Variants in HMCN1 observed in about 807,000 individuals in gnomAD.
The protein encoded by HMCN1 is hemicentin-1.
In HMCN1, 321 loss-of-function variants were observed where a neutral mutation model predicts 625.9. That is an observed-to-expected ratio of 0.51 (90% confidence interval 0.47 to 0.56). The LOEUF (loss-of-function observed/expected upper bound fraction) is 0.56. Among genes scored for constraint, HMCN1 ranks in the 20% least tolerant of loss-of-function variants. HMCN1 has a pLI of 0.00. For synonymous variants in HMCN1, 2,425 were observed against 2,417.6 expected (o/e 1.00, Z -0.09); for missense variants, 6,588 against 6,887.3 (o/e 0.96, Z 1.54).
chr1:186,001,341 G>A lies in HMCN1; in HGVS notation c.4113G>A (p.Ser1371=), dbSNP rs146606430. 44 of 1,611,452 alleles carry A rather than the reference G, an allele frequency of 2.7e-5. No individual in the cohort carries two copies. The highest frequency in any genetic ancestry group is 3.3e-5 in the South Asian group (3 of 91,034). ...ATAAAGAACAAGTTACAAATGTGTC[G>A]GTGTTGTTAAATCAGCTGACCAATC... ...IKDKEQVTNV[S]VLLNQLTNLF... is the part of the protein sequence containing the mutation. Residue 1371 remains serine, a synonymous_variant, in exon 27 of 107, where the codon TCG becomes TCA. Transcript: ENST00000271588.
intron 4 of HMCN1, 31 bp downstream of exon 4, chr1:185,865,894 A>G (rs1244110618): frequency 6.2e-7 from 1 of 1,610,600 alleles, no homozygotes. Context: ...CTACTTTATT[A>G]CCAGCTGCCT....
chr1:185,844,361 A>T (rs1661676614), intron 1 of HMCN1, among the ~76,000 whole-genome samples: 2 of 152,150 alleles, frequency 1.3e-5, no homozygotes, highest in South Asian at 4.1e-4. Flanking sequence ...ATAGTGAAGG[A>T]TTGAGGCATT....
At chr1:186,015,797 C>A (rs1571719520) in intron 31 of HMCN1, among the ~76,000 whole-genome samples, 161 bp from the exon 32 acceptor site, 1 of 152,008 alleles carries the variant, frequency 6.6e-6, no homozygotes, top group Non-Finnish European at 1.5e-5. Context: ...TTAGCTGAAC[C>A]AAGAAATTCT....
rs528660252 is a variant in HMCN1 at position 185,976,495 on chromosome 1, T to C, written c.2372-1292T>C. Among the ~76,000 whole-genome samples the C allele has an allele frequency of 2.3e-4, 35 of 152,290 alleles. No homozygotes were observed. The South Asian group carries it at 5.0e-3, about 22-fold the overall frequency. ...TTCCCATGGGAAGAAAAGTGATCTC[T>C]GTAGGAATATTTATGAGCCTGCTAA... is the stretch of plus-strand genomic sequence containing the variant. On this transcript the variant is annotated intron_variant, in intron 15 of 106. Transcript: ENST00000271588.
chr1:185,758,130 C>T lies in HMCN1; in HGVS notation c.268+23083C>T, dbSNP rs555683511. On this transcript the variant is annotated intron_variant, in intron 1 of 106. Coordinates refer to ENST00000271588, the MANE Select transcript of HMCN1 (RefSeq NM_031935.3). The stretch of plus-strand genomic sequence containing the variant: ...GCAATCGTGTCATTTGGACTGTTGG[C>T]GGATATATACATTTTTCAGGATTGT... Among the ~76,000 whole-genome samples the T allele has an allele frequency of 1.9e-3, 288 of 152,218 alleles. 3 individuals are homozygous for T. Among genetic ancestry groups the T allele is most frequent in the Middle Eastern group, 3.4e-3 (1 of 294 alleles).
intron 1 of HMCN1, among the ~76,000 whole-genome samples, chr1:185,803,561 A>G (rs1658965409): frequency 6.6e-6 from 1 of 152,118 alleles, no homozygotes; most frequent in Admixed American, 6.5e-5. Context: ...GTCTCTAACA[A>G]AAGATATTCT....
intron 1 of HMCN1, among the ~76,000 whole-genome samples, chr1:185,793,263 G>C (rs1658125101): frequency 6.6e-6 from 1 of 152,154 alleles, no homozygotes; most frequent in Non-Finnish European, 1.5e-5. Flanking sequence ...TACCAAAAGG[G>C]ATGCTTACCA....
chr1:186,144,240 G>C lies in HMCN1; in HGVS notation c.13992G>C (p.Gln4664His), dbSNP rs551261120. Residue 4664 changes from glutamine (Q) to histidine (H), a missense_variant, in exon 90 of 107, where the codon CAG becomes CAC. Coordinates refer to ENST00000271588, the MANE Select transcript of HMCN1 (RefSeq NM_031935.3). ...GCGAAAGTTGTGGGAAAGGTACTCAGACAAGAGCAAGACTTTGTAATAACC... is the reference window on the plus strand; with the variant it reads ...GCGAAAGTTGTGGGAAAGGTACTCACACAAGAGCAAGACTTTGTAATAACC... ...TCSESCGKGT[Q>H]TRARLCNNPP... The C allele has an allele frequency of 3.1e-5, 50 of 1,613,718 alleles. No homozygotes were observed. In the East Asian group the frequency reaches 1.1e-3, roughly 35 times the overall value.
At chr1:186,035,137 A>G (rs549191314) in intron 36 of HMCN1, among the ~76,000 whole-genome samples, 2 of 152,264 alleles carry the variant, frequency 1.3e-5, no homozygotes, top group South Asian at 4.1e-4. Flanking sequence ...TTAGATAGCT[A>G]TATTTATAAG....
chr1:186,002,347 C>T (rs1286728882), intron 28 of HMCN1, among the ~76,000 whole-genome samples: 1 of 152,050 alleles, frequency 6.6e-6, no homozygotes, highest in African/African-American at 2.4e-5. Context: ...GATAAAATGA[C>T]ATTCTCCCTT....
chr1:185,764,941 C>A (rs539396266), intron 1 of HMCN1, among the ~76,000 whole-genome samples: 1 of 152,236 alleles, frequency 6.6e-6, no homozygotes, highest in East Asian at 1.9e-4. Flanking sequence ...CATTCATAGG[C>A]AATGCCTGAA....
chr1:186,017,900 GC>G (rs1358969944), intron 33 of HMCN1, among the ~76,000 whole-genome samples: 1 of 151,832 alleles, frequency 6.6e-6, no homozygotes, highest in Non-Finnish European at 1.5e-5. Flanking sequence ...ATCACCTCAA[GC>G]ATTTATCCTT....
chr1:186,101,802 A>C (rs1439641871), intron 68 of HMCN1, among the ~76,000 whole-genome samples: 16 of 152,134 alleles, frequency 1.1e-4, no homozygotes, highest in Non-Finnish European at 1.6e-4. Context: ...CCGAGAAGTA[A>C]GAGGAGTAAA....
At chr1:185,876,631 T>C (rs1422020490) in intron 4 of HMCN1, among the ~76,000 whole-genome samples, 1 of 152,044 alleles carries the variant, frequency 6.6e-6, no homozygotes, top group Non-Finnish European at 1.5e-5. Context: ...GGATCTCATT[T>C]TGGTTTTCGT....
chr1:186,119,097 C>A, intron 77 of HMCN1, 94 bp from the exon 78 acceptor site: 1 of 867,296 alleles, frequency 1.2e-6, no homozygotes. Context: ...CACCACCATG[C>A]TATTTGCAGA....
chr1:185,928,434 A>G (rs1361435632), intron 9 of HMCN1, 112 bp from the exon 10 acceptor site: 3 of 897,440 alleles, frequency 3.3e-6, no homozygotes, highest in South Asian at 1.4e-5. Flanking sequence ...TTATCAATTT[A>G]TTTTCTTTAC....
At chr1:185,977,530 A>G (rs1394896143) in intron 15 of HMCN1, among the ~76,000 whole-genome samples, 3 of 152,134 alleles carry the variant, frequency 2.0e-5, no homozygotes, top group African/African-American at 7.2e-5. Context: ...AGGTTATTAT[A>G]ATTTGAAGTC....
intron 16 of HMCN1, among the ~76,000 whole-genome samples, chr1:185,980,433 C>T (rs1239386887): frequency 1.3e-5 from 2 of 152,212 alleles, no homozygotes; most frequent in African/African-American, 4.8e-5. Flanking sequence ...GAAATACACA[C>T]ATTTCAGTGG....
intron 17 of HMCN1, 120 bp downstream of exon 17, chr1:185,981,193 C>G (rs28535260): frequency 0.022 from 15,165 of 700,906 alleles, 436 homozygotes; most frequent in African/African-American, 0.1. Flanking sequence ...AATTACTAGA[C>G]CAGCCTTCCC....
Sources: gnomAD v4.1 joint callset for allele counts (sites outside exome capture counted in the v4.1 genomes callset) on GRCh38, gnomAD v4.1.1 for gene constraint, MANE v1.5 for transcripts, NCBI Gene and HGNC (gene_info 2026-07-23, HGNC 2026-07-21) for gene names.